PDE11A: variants seen among roughly 807,000 people sequenced by gnomAD.
PDE11A encodes dual 3',5'-cyclic-AMP and -GMP phosphodiesterase 11A.
In PDE11A, 100 loss-of-function variants were observed where a neutral mutation model predicts 100.5. That is an observed-to-expected ratio of 1.00 (90% CI 0.85 to 1.18). PDE11A has a LOEUF of 1.18. Among genes scored for constraint, PDE11A ranks in the 50% most tolerant of loss-of-function variants. PDE11A has a pLI of 0.00. For synonymous variants in PDE11A, 381 were observed against 420.8 expected, an observed-to-expected ratio of 0.91 and a Z score of 1.16; for missense variants, 1,141 against 1,152.6, an observed-to-expected ratio of 0.99 and a Z score of 0.15.
At chr2:177,906,573 A>G (rs1377787621) in intron 2 of PDE11A, among the ~76,000 whole-genome samples, 2 of 152,220 alleles carry the variant, frequency 1.3e-5, no homozygotes, top group Non-Finnish European at 1.5e-5. Flanking sequence ...TAGAGAAACA[A>G]TGGGATCCGA....
intron 2 of PDE11A, 135 bp from the exon 3 acceptor site, chr2:177,905,322 T>C (rs929691040): frequency 6.8e-6 from 4 of 589,134 alleles, no homozygotes; most frequent in Non-Finnish European, 1.2e-5. Context: ...ATACAGAGAG[T>C]TGTTGATACT....
chr2:177,814,920 G>A (rs6715232), intron 9 of PDE11A, among the ~76,000 whole-genome samples: 44,437 of 151,926 alleles, frequency 0.29, 7,316 homozygotes, highest in African/African-American at 0.45. Context: ...ATGCTGCAAC[G>A]CAGTTATTCT....
At chr2:178,029,836 C>T (rs1202708955) in intron 1 of PDE11A, among the ~76,000 whole-genome samples, 16 of 152,130 alleles carry the variant, frequency 1.1e-4, no homozygotes, top group Non-Finnish European at 4.4e-5. Flanking sequence ...GAGGGCTCTG[C>T]CCTCATGAAT....
At chr2:177,717,234 G>T (rs1450521408) in intron 12 of PDE11A, among the ~76,000 whole-genome samples, 1 of 152,066 alleles carries the variant, frequency 6.6e-6, no homozygotes, top group African/African-American at 2.4e-5. Context: ...AAGCTGCCTG[G>T]TAAATGGTTT....
chr2:177,657,329 G>T (rs1446635060), intron 19 of PDE11A, among the ~76,000 whole-genome samples: 1 of 152,176 alleles, frequency 6.6e-6, no homozygotes, highest in Non-Finnish European at 1.5e-5. Flanking sequence ...GATGCCTGGG[G>T]CTCCTCTCCC....
chr2:177,721,686 T>C (rs1303277979), intron 12 of PDE11A, among the ~76,000 whole-genome samples: 3 of 152,136 alleles, frequency 2.0e-5, no homozygotes, highest in African/African-American at 7.2e-5. Context: ...TATATTTTAT[T>C]TCTGATAAAT....
At chr2:177,692,772 A>C (rs533983059) in intron 15 of PDE11A, among the ~76,000 whole-genome samples, 1 of 152,224 alleles carries the variant, frequency 6.6e-6, no homozygotes, top group Non-Finnish European at 1.5e-5. Flanking sequence ...CTGCTTTCAT[A>C]TGCCATTTGA....
At chr2:177,910,623 C>T (rs918695670) in intron 2 of PDE11A, among the ~76,000 whole-genome samples, 9 of 150,936 alleles carry the variant, frequency 6.0e-5, no homozygotes, top group African/African-American at 9.8e-5. Flanking sequence ...CAGCACTTTT[C>T]GGCTTGAAAG....
At chr2:178,035,036 G>C (rs775268698) in intron 1 of PDE11A, among the ~76,000 whole-genome samples, 9 of 151,850 alleles carry the variant, frequency 5.9e-5, no homozygotes, top group Non-Finnish European at 1.2e-4. Flanking sequence ...GAGCAGAACT[G>C]AAGGGGATAG....
At chr2:178,057,893 T>C (rs1039961038) in intron 1 of PDE11A, among the ~76,000 whole-genome samples, 3 of 152,098 alleles carry the variant, frequency 2.0e-5, no homozygotes, top group African/African-American at 7.2e-5. Flanking sequence ...AGTCTCACTC[T>C]ATCACCCAGG....
intron 2 of PDE11A, among the ~76,000 whole-genome samples, chr2:177,938,681 G>A (rs558708946): frequency 3.0e-4 from 46 of 152,334 alleles, no homozygotes; most frequent in African/African-American, 1.1e-3. Flanking sequence ...GTGAGGTGTA[G>A]TGTAGATTCC....
chr2:177,751,994 G>A (rs1465067906), intron 10 of PDE11A, among the ~76,000 whole-genome samples: 1 of 152,116 alleles, frequency 6.6e-6, no homozygotes, highest in African/African-American at 2.4e-5. Flanking sequence ...GCTGGGACTT[G>A]AACCCACGTC....
At chr2:177,928,742 G>T (rs2085165910) in intron 2 of PDE11A, among the ~76,000 whole-genome samples, 1 of 152,010 alleles carries the variant, frequency 6.6e-6, no homozygotes, top group Non-Finnish European at 1.5e-5. Flanking sequence ...ACATGCCTGT[G>T]GTCCCAGCTA....
chr2:177,846,310 T>C (rs2083602030), intron 5 of PDE11A, among the ~76,000 whole-genome samples: 1 of 152,200 alleles, frequency 6.6e-6, no homozygotes, highest in African/African-American at 2.4e-5. Flanking sequence ...TGATAATTCA[T>C]GCAAAGTGCT....
intron 10 of PDE11A, among the ~76,000 whole-genome samples, chr2:177,739,251 G>A (rs1327139035): frequency 2.0e-5 from 3 of 152,090 alleles, no homozygotes; most frequent in Admixed American, 6.5e-5. Context: ...CTGTTACAAC[G>A]TGCTGCACTC....
intron 6 of PDE11A, among the ~76,000 whole-genome samples, chr2:177,832,345 A>C (rs1360634800): frequency 1.3e-5 from 2 of 152,172 alleles, no homozygotes; most frequent in Non-Finnish European, 2.9e-5. Context: ...CACAGATAGA[A>C]TATAAAGCAG....
chr2:177,999,457 T>C (rs1401242983), intron 2 of PDE11A, among the ~76,000 whole-genome samples: 2 of 152,258 alleles, frequency 1.3e-5, no homozygotes, highest in Non-Finnish European at 2.9e-5. Flanking sequence ...TTGATGTCGA[T>C]ATTAAAGCTT....
At chr2:177,890,175 T>C (rs1282851292) in intron 4 of PDE11A, among the ~76,000 whole-genome samples, 1 of 152,222 alleles carries the variant, frequency 6.6e-6, no homozygotes, top group Non-Finnish European at 1.5e-5. Flanking sequence ...TGTAATGAAT[T>C]AGCCTTCAAA....
chr2:177,781,361 G>A (rs998743103), intron 9 of PDE11A, among the ~76,000 whole-genome samples: 5 of 152,108 alleles, frequency 3.3e-5, no homozygotes, highest in Non-Finnish European at 4.4e-5. Flanking sequence ...ATAATAAGAC[G>A]TATAAAATGT....
Sources: allele counts gnomAD v4.1 joint callset (sites outside exome capture counted in the v4.1 genomes callset), GRCh38; gene constraint gnomAD v4.1.1; transcripts MANE v1.5; gene names NCBI Gene and HGNC (gene_info 2026-07-23, HGNC 2026-07-21).